ATOSB: variants seen among roughly 807,000 people sequenced by gnomAD.
The protein encoded by ATOSB is atos homolog B, also known as atos homolog protein B.
At chr9:35,111,852 T>G in the ATOSB span, among the ~76,000 whole-genome samples, 2 of 152,194 alleles carry the variant, frequency 1.3e-5, no homozygotes, top group African/African-American at 2.4e-5. Flanking sequence ...CACCCTGCCC[T>G]GCCATTTAAC....
chr9:35,108,673 C>T, the ATOSB span: 5 of 1,011,410 alleles, frequency 4.9e-6, no homozygotes, highest in Non-Finnish European at 5.9e-6. Flanking sequence ...GCAGTCTGAT[C>T]CATGCCTGCT....
chr9:35,105,619 A>G, the ATOSB span: 1 of 1,541,680 alleles, frequency 6.5e-7, no homozygotes. The surrounding 1 kb of genome is among the most constrained non-coding windows in gnomAD (Gnocchi z 5.5). Context: ...CGAAGCAAGG[A>G]GAGATCCTCT....
chr9:35,108,460 C>T, the ATOSB span: 1 of 1,360,726 alleles, frequency 7.3e-7, no homozygotes, highest in African/African-American at 1.5e-5. Flanking sequence ...GATGGGTTCC[C>T]AAGGATGAAT....
chr9:35,105,355 C>G, the ATOSB span: 1 of 1,612,900 alleles, frequency 6.2e-7, no homozygotes, highest in African/African-American at 1.3e-5. This position sits in a 1 kb window ranked among gnomAD's most constrained non-coding sequence, Gnocchi z 5.5. Context: ...CTTAAGCGGC[C>G]TGAGCGGGAG....
the ATOSB span, chr9:35,108,099 G>T: frequency 6.4e-7 from 1 of 1,550,680 alleles, no homozygotes; most frequent in Non-Finnish European, 8.7e-7. Context: ...AGGCTCAGAG[G>T]TACCAGCCGG....
the ATOSB span, among the ~76,000 whole-genome samples, chr9:35,114,678 C>T: frequency 6.6e-6 from 1 of 152,158 alleles, no homozygotes; most frequent in Non-Finnish European, 1.5e-5. Flanking sequence ...AACCTCACAA[C>T]CCTTACTGGG....
chr9:35,105,840 G>A, the ATOSB span: 1 of 1,614,172 alleles, frequency 6.2e-7, no homozygotes, highest in South Asian at 1.1e-5. The surrounding 1 kb of genome is among the most constrained non-coding windows in gnomAD (Gnocchi z 5.5). Flanking sequence ...CCACAGTCTG[G>A]TTGGGGTTAA....
At chr9:35,114,253 G>T in the ATOSB span, among the ~76,000 whole-genome samples, 4 of 152,146 alleles carry the variant, frequency 2.6e-5, no homozygotes, top group Non-Finnish European at 5.9e-5. Flanking sequence ...TCTGCCCTAG[G>T]CCCGCCCTCT....
At chr9:35,113,595 G>C in the ATOSB span, among the ~76,000 whole-genome samples, 1 of 151,984 alleles carries the variant, frequency 6.6e-6, no homozygotes, top group African/African-American at 2.4e-5. Flanking sequence ...CTGCACTCCA[G>C]CCTGGGTGAC....
At chr9:35,105,765 G>A in the ATOSB span, 1 of 1,614,098 alleles carries the variant, frequency 6.2e-7, no homozygotes. This position sits in a 1 kb window ranked among gnomAD's most constrained non-coding sequence, Gnocchi z 5.5. Flanking sequence ...AGAGGCGATG[G>A]CGCAGGAAGG....
chr9:35,107,319 CAAAAAAAAAA>C, the ATOSB span: 10 of 1,161,260 alleles, frequency 8.6e-6, no homozygotes, highest in African/African-American at 2.0e-4. Context: ...GATCCCATCT[CAAAAAAAAAA>C]AAAAAAAAAA....
At chr9:35,105,389 T>C in the ATOSB span, 2 of 1,600,492 alleles carry the variant, frequency 1.2e-6, no homozygotes, top group African/African-American at 1.3e-5. This position sits in a 1 kb window ranked among gnomAD's most constrained non-coding sequence, Gnocchi z 5.5. Context: ...AGGAGGACAA[T>C]GTGATCAACG....
the ATOSB span, chr9:35,106,070 C>G: frequency 6.4e-7 from 1 of 1,557,570 alleles, no homozygotes; most frequent in Non-Finnish European, 8.7e-7. This position sits in a 1 kb window ranked among gnomAD's most constrained non-coding sequence, Gnocchi z 4.6. Flanking sequence ...GCCCTAAACA[C>G]ATGTCCCTCT....
At chr9:35,109,530 A>G in the ATOSB span, 1 of 152,250 alleles carries the variant, frequency 6.6e-6, no homozygotes, top group African/African-American at 2.4e-5. Context: ...TTCACTAACT[A>G]TTCCAGCCCA....
At chr9:35,105,605 G>T in the ATOSB span, 1 of 1,455,130 alleles carries the variant, frequency 6.9e-7, no homozygotes, top group Non-Finnish European at 9.5e-7. This position sits in a 1 kb window ranked among gnomAD's most constrained non-coding sequence, Gnocchi z 5.5. Flanking sequence ...AATCCGGACA[G>T]TATCGAAGCA....
the ATOSB span, chr9:35,107,018 T>C: frequency 2.4e-6 from 2 of 839,460 alleles, no homozygotes; most frequent in Non-Finnish European, 3.8e-6. Flanking sequence ...CACACAAATA[T>C]CCACTTAAGA....
chr9:35,107,447 G>A, the ATOSB span: 1 of 1,613,734 alleles, frequency 6.2e-7, no homozygotes, highest in Non-Finnish European at 8.5e-7. Flanking sequence ...CATCAGAACT[G>A]TTGGCAGCAG....
At chr9:35,114,587 T>C in the ATOSB span, among the ~76,000 whole-genome samples, 1 of 152,182 alleles carries the variant, frequency 6.6e-6, no homozygotes, top group Non-Finnish European at 1.5e-5. Context: ...TCAAGAGAAC[T>C]AGGTCCTAGC....
the ATOSB span, among the ~76,000 whole-genome samples, chr9:35,114,144 A>G: frequency 6.6e-6 from 1 of 152,308 alleles, no homozygotes; most frequent in African/African-American, 2.4e-5. Flanking sequence ...CAAAGCAGAA[A>G]GGCTATATCC....
Sources: gnomAD v4.1 joint callset for allele counts (sites outside exome capture counted in the v4.1 genomes callset) on GRCh38, gnomAD v4.1.1 for gene constraint, Gnocchi (gnomAD v3.1) non-coding constraint, MANE v1.5 for transcripts, NCBI Gene and HGNC (gene_info 2026-07-23, HGNC 2026-07-21) for gene names.